The following MGAT4C variants were observed in gnomAD, a reference collection of about 807,000 sequenced individuals.
MGAT4C encodes the protein alpha-1,3-mannosyl-glycoprotein 4-beta-N-acetylglucosaminyltransferase C.
In MGAT4C, 19 loss-of-function variants were observed where a neutral mutation model predicts 40.1. The observed-to-expected ratio is 0.47, with a 90% CI of 0.33 to 0.70. The LOEUF (loss-of-function observed/expected upper bound fraction) is 0.70, where lower values mean the gene tolerates loss of function less well. Among genes scored for constraint, MGAT4C ranks in the 30% least tolerant of loss-of-function variants. The probability of loss-of-function intolerance (pLI) is 0.02; values close to 1 mark genes in which losing one functional copy is unlikely to be tolerated. For synonymous variants in MGAT4C, 181 were observed against 187.1 expected (o/e 0.97, Z 0.27); for missense variants, 491 against 563.2 (o/e 0.87, Z 1.30).
At chr12:86,261,048 A>T (rs142287563), upstream of MGAT4C, among the ~76,000 whole-genome samples, 37 of 152,218 alleles carry the variant, frequency 2.4e-4, no homozygotes, top group Non-Finnish European at 3.7e-4. Context: ...AAACAGAACC[A>T]TGAGGAACAA....
chr12:86,177,067 G>C (rs1461778121), intron 1 of MGAT4C, among the ~76,000 whole-genome samples: 3 of 151,614 alleles, frequency 2.0e-5, no homozygotes, highest in African/African-American at 7.3e-5. Context: ...GCTTTGGTTG[G>C]TAAAATTTGT....
At chr12:86,438,872 AT>A in intron 2 of MGAT4C, among the ~76,000 whole-genome samples, 1 of 151,924 alleles carries the variant, frequency 6.6e-6, no homozygotes, top group Non-Finnish European at 1.5e-5. Context: ...AGTAAAAAAA[AT>A]AAAAAGACAA....
At chr12:86,176,740 A>G (rs1316821915) in intron 1 of MGAT4C, among the ~76,000 whole-genome samples, 1 of 150,924 alleles carries the variant, frequency 6.6e-6, no homozygotes, top group African/African-American at 2.4e-5. Flanking sequence ...TTTAGCAATG[A>G]CATTAAAATA....
intron 1 of MGAT4C, among the ~76,000 whole-genome samples, chr12:86,073,718 T>A (rs771508382): frequency 1.3e-5 from 2 of 152,192 alleles, no homozygotes; most frequent in Non-Finnish European, 2.9e-5. Flanking sequence ...TTGGAACAGC[T>A]GCATTTACCC....
At chr12:86,608,787 T>C (rs1449616214) in intron 2 of MGAT4C, among the ~76,000 whole-genome samples, 3 of 152,030 alleles carry the variant, frequency 2.0e-5, no homozygotes, top group East Asian at 1.9e-4. Flanking sequence ...GAAATGTGCA[T>C]AAGATGTCTA....
At chr12:86,062,728 C>T (rs1894116812) in intron 1 of MGAT4C, among the ~76,000 whole-genome samples, 1 of 151,610 alleles carries the variant, frequency 6.6e-6, no homozygotes, top group African/African-American at 2.4e-5. Flanking sequence ...ATGAAGCATA[C>T]ACAAGTATCA....
chr12:86,817,119 A>G (rs1398122617), intron 1 of MGAT4C, among the ~76,000 whole-genome samples: 1 of 150,750 alleles, frequency 6.6e-6, no homozygotes, highest in Non-Finnish European at 1.5e-5. Flanking sequence ...ATTTTCAAAC[A>G]TTCTTTTTTC....
intron 1 of MGAT4C, among the ~76,000 whole-genome samples, chr12:86,140,428 C>T (rs1882664432): frequency 6.6e-6 from 1 of 152,094 alleles, no homozygotes; most frequent in African/African-American, 2.4e-5. Flanking sequence ...GTTCTCACCA[C>T]ATTATCTCCT....
At chr12:86,168,484 A>G (rs942200528) in intron 1 of MGAT4C, among the ~76,000 whole-genome samples, 3 of 152,164 alleles carry the variant, frequency 2.0e-5, no homozygotes, top group Admixed American at 1.3e-4. Flanking sequence ...GAACTCTTCA[A>G]AAATGTCAGT....
At chr12:86,092,447 T>G (rs2135573164) in intron 1 of MGAT4C, among the ~76,000 whole-genome samples, 1 of 152,204 alleles carries the variant, frequency 6.6e-6, no homozygotes, top group South Asian at 2.1e-4. Context: ...CCAGAGGGTT[T>G]AAGGCATTTA....
intron 2 of MGAT4C, among the ~76,000 whole-genome samples, chr12:86,497,976 A>G (rs1485973107): frequency 6.9e-6 from 1 of 145,256 alleles, no homozygotes; most frequent in African/African-American, 2.5e-5. Flanking sequence ...AATATATATT[A>G]TATATATAAT....
rs559191065 is a variant in MGAT4C, at chr12:86,003,387, T to C, written c.-6-13835A>G. On this transcript the variant is annotated intron_variant, in intron 2 of 4. Transcript: ENST00000611864. The stretch of plus-strand genomic sequence containing the variant: ...TAGATGCTTAGGATTAAAAAAATTA[T>C]CAGTTCGACCTTAGAATAAGTGTAC... Among the ~76,000 whole-genome samples, 6 of 152,270 alleles carry C rather than the reference T, an allele frequency of 3.9e-5. No homozygotes were observed. The East Asian group carries it at 1.2e-3, about 29-fold the overall frequency.
chr12:86,671,865 C>A (rs1964263266), intron 2 of MGAT4C, among the ~76,000 whole-genome samples: 1 of 152,028 alleles, frequency 6.6e-6, no homozygotes, highest in Non-Finnish European at 1.5e-5. Flanking sequence ...ACTTTAACAT[C>A]CCACTTTCAG....
intron 1 of MGAT4C, among the ~76,000 whole-genome samples, chr12:86,103,321 A>G (rs839096): frequency 0.57 from 86,216 of 152,002 alleles, 24,866 homozygotes; most frequent in South Asian, 0.72. Flanking sequence ...GGAATTATCC[A>G]GTGGCCCCAA....
At chr12:86,607,990 C>T (rs550283055) in intron 2 of MGAT4C, among the ~76,000 whole-genome samples, 1 of 152,012 alleles carries the variant, frequency 6.6e-6, no homozygotes, top group African/African-American at 2.4e-5. Context: ...TCTCCCTCAG[C>T]CTTCCAAAAA....
chr12:86,201,061 C>G lies in MGAT4C; in HGVS notation c.-57+55178G>C, dbSNP rs1021799482. ...AAATAAATTTCTGTTGTTTGAAATACCCACCCTGTGATATTTTATTATGAA... is the reference window on the plus strand; with the variant it reads ...AAATAAATTTCTGTTGTTTGAAATAGCCACCCTGTGATATTTTATTATGAA... On this transcript the variant is annotated intron_variant, in intron 1 of 4. Coordinates refer to ENST00000611864, the MANE Select transcript of MGAT4C (RefSeq NM_001351288.2). Among the ~76,000 whole-genome samples the G allele has an allele frequency of 3.3e-5, 5 of 152,140 alleles. 1 individual carries two copies. The highest frequency in any genetic ancestry group is 3.3e-4 in the Admixed American group (5 of 15,266).
At chr12:86,482,331 T>C (rs1957952070) in intron 2 of MGAT4C, among the ~76,000 whole-genome samples, 1 of 152,120 alleles carries the variant, frequency 6.6e-6, no homozygotes, top group Non-Finnish European at 1.5e-5. Flanking sequence ...GTAAAGTTAC[T>C]CTTGAGAATC....
chr12:86,543,404 A>C (rs1017445133), intron 2 of MGAT4C, among the ~76,000 whole-genome samples: 6 of 151,808 alleles, frequency 4.0e-5, no homozygotes, highest in African/African-American at 1.4e-4. Flanking sequence ...CTCTGACAGT[A>C]AAAATATATA....
At chr12:86,443,203 T>TACAC (rs546506719) in intron 2 of MGAT4C, among the ~76,000 whole-genome samples, 1 of 150,038 alleles carries the variant, frequency 6.7e-6, no homozygotes, top group African/African-American at 2.5e-5. Context: ...TGTGTATATA[T>TACAC]ATACACACAC....
Sources: gnomAD v4.1 joint callset for allele counts (sites outside exome capture counted in the v4.1 genomes callset) on GRCh38, gnomAD v4.1.1 for gene constraint, MANE v1.5 for transcripts, NCBI Gene and HGNC (gene_info 2026-07-23, HGNC 2026-07-21) for gene names.